Variants in SDHA observed in about 807,000 individuals in gnomAD.
The protein encoded by SDHA is succinate dehydrogenase complex flavoprotein subunit A.
SDHA carries 48 observed loss-of-function variants against 78.4 expected under a neutral mutation model. The ratio of observed to expected loss-of-function variants is 0.61; its 90% CI spans 0.49 to 0.78. The LOEUF is 0.78. Among genes scored for constraint, SDHA ranks in the 30% least tolerant of loss-of-function variants. SDHA has a pLI of 0.00. For missense variants in SDHA, 680 were observed against 892.7 expected (o/e 0.76, Z 3.04); for synonymous variants, 326 against 353.9 (o/e 0.92, Z 0.88).
At position 256,950 on chromosome 5, in the gene SDHA, G is replaced by T. The variant is rs1171930309; in HGVS notation, c.*530G>T. On this transcript the variant is annotated 3_prime_UTR_variant, in exon 15 of 15. Transcript: ENST00000264932. ...CTTCTGAGTAGTTGGGGCTACAGGT[G>T]TGCACCACCATGCCCAGCTCATTTA... Among the ~76,000 whole-genome samples, 1 of 151,380 alleles carries T rather than the reference G, an allele frequency of 6.6e-6. No individual in the cohort carries two copies. Among genetic ancestry groups the T allele is most frequent in the Non-Finnish European group, 1.5e-5 (1 of 67,926 alleles).
At chr5:247,470 C>T (rs1198885398) in intron 11 of SDHA, among the ~76,000 whole-genome samples, 5 of 152,214 alleles carry the variant, frequency 3.3e-5, no homozygotes, top group South Asian at 4.1e-4. Context: ...CAATTTAACC[C>T]GTGTTAATGC....
At chr5:219,298 C>T (rs1734580840) in intron 1 of SDHA, among the ~76,000 whole-genome samples, 2 of 152,186 alleles carry the variant, frequency 1.3e-5, no homozygotes, top group Admixed American at 6.5e-5. Context: ...AATGTGCCCT[C>T]TACGATTGCA....
intron 7 of SDHA, 122 bp from the exon 8 acceptor site, chr5:233,355 G>T: frequency 2.0e-6 from 2 of 1,007,926 alleles, no homozygotes; most frequent in Non-Finnish European, 3.1e-6. Context: ...GTGCAGTTTT[G>T]CACATAATGC....
At chr5:219,711 G>A (rs767675715) in intron 1 of SDHA, among the ~76,000 whole-genome samples, 6 of 152,230 alleles carry the variant, frequency 3.9e-5, no homozygotes, top group Non-Finnish European at 8.8e-5. Context: ...CCCATGGTCA[G>A]TGGGGCTTTT....
intron 13 of SDHA, among the ~76,000 whole-genome samples, chr5:252,147 A>T (rs1736872201): frequency 6.9e-6 from 1 of 145,324 alleles, no homozygotes; most frequent in African/African-American, 2.6e-5. Flanking sequence ...CACTGTTTCA[A>T]ACCTGTCCTG....
intron 8 of SDHA, chr5:234,444 A>G (rs1435937884): frequency 1.4e-5 from 2 of 145,496 alleles, no homozygotes; most frequent in African/African-American, 2.5e-5. Flanking sequence ...AAAAAAAAAA[A>G]CAGAGAAGTC....
the SDHA span, among the ~76,000 whole-genome samples, chr5:265,909 A>G: frequency 6.6e-6 from 1 of 151,650 alleles, no homozygotes; most frequent in African/African-American, 2.4e-5. Context: ...ACCCTACCCG[A>G]GACCTTCCGA....
chr5:227,158 A>C (rs1735081139), intron 5 of SDHA, among the ~76,000 whole-genome samples: 1 of 151,814 alleles, frequency 6.6e-6, no homozygotes, highest in Non-Finnish European at 1.5e-5. Flanking sequence ...CTACAGGCGC[A>C]CGCCACCATG....
chr5:236,296 T>C, intron 9 of SDHA, 132 bp from the exon 10 acceptor site: 1 of 878,760 alleles, frequency 1.1e-6, no homozygotes, highest in Non-Finnish European at 1.9e-6. Flanking sequence ...AGTGCTGAGA[T>C]TACAGGCGTG....
intron 1 of SDHA, 143 bp downstream of exon 1, chr5:218,561 C>A (rs1159219848): frequency 1.3e-5 from 8 of 636,844 alleles, no homozygotes; most frequent in Non-Finnish European, 1.8e-5. Context: ...CTGAGAGAGC[C>A]CTGGGCCGGT....
At chr5:225,273 T>G (rs1734940249) in intron 3 of SDHA, 146 bp from the exon 4 acceptor site, 3 of 983,460 alleles carry the variant, frequency 3.1e-6, no homozygotes, top group Non-Finnish European at 1.6e-6. Context: ...CGGGTCTCGC[T>G]GCTCCTCTGC....
chr5:251,983 C>G, intron 13 of SDHA: 1 of 345,932 alleles, frequency 2.9e-6, no homozygotes. Flanking sequence ...CGTTTCAAGC[C>G]TGCCCTGTGG....
chr5:263,078 T>G, the SDHA span, among the ~76,000 whole-genome samples: 1 of 152,082 alleles, frequency 6.6e-6, no homozygotes, highest in Non-Finnish European at 1.5e-5. Flanking sequence ...GAGCTGAGAC[T>G]ACAGGTGTGA....
intron 1 of SDHA, among the ~76,000 whole-genome samples, chr5:222,703 G>A (rs1734789381): frequency 6.6e-6 from 1 of 152,156 alleles, no homozygotes; most frequent in Admixed American, 6.5e-5. Context: ...GTAGCCAGCA[G>A]AATGGAAAAC....
chr5:228,316 C>G lies in SDHA; in HGVS notation c.753C>G (p.Asn251Lys), dbSNP rs1126411. The change falls in exon 6 of 15, where the codon AAC becomes AAG. Residue 251 changes from asparagine to lysine, a missense_variant. By Grantham distance (94) the Asn-to-Lys change is moderately conservative (BLOSUM62 0). Transcript: ENST00000264932. ...DGSIHRIRAK[N>K]TVVATGGYGR... ...CCATCCATCGCATAAGAGCAAAGAA[C>G]ACTGTTGTTGCCACAGGGTAGGAAT... 1 of 1,613,836 alleles carries G rather than the reference C, an allele frequency of 6.2e-7. No individual in the cohort carries two copies. The highest frequency in any genetic ancestry group is 8.5e-7 in the Non-Finnish European group (1 of 1,179,846).
chr5:227,902 G>A (rs62347679), intron 5 of SDHA: 71,890 of 424,354 alleles, frequency 0.17, 10,081 homozygotes, highest in African/African-American at 0.53. Flanking sequence ...TGCGGCCACC[G>A]GACAGTGTGG....
chr5:225,812 G>A (rs1389076653), intron 4 of SDHA, 71 bp from the exon 5 acceptor site: 11 of 1,577,914 alleles, frequency 7.0e-6, no homozygotes, highest in Non-Finnish European at 9.6e-6. Flanking sequence ...AACTTGTTTA[G>A]TGTAGATTAG....
chr5:262,143 T>A, the SDHA span, among the ~76,000 whole-genome samples: 1 of 101,520 alleles, frequency 9.9e-6, no homozygotes, highest in Non-Finnish European at 1.9e-5. Flanking sequence ...CATTACCGTG[T>A]GAGCTCCGCC....
At chr5:242,543 G>A (rs1182556642) in intron 11 of SDHA, among the ~76,000 whole-genome samples, 2 of 152,182 alleles carry the variant, frequency 1.3e-5, no homozygotes, top group African/African-American at 2.4e-5. Context: ...CAACTCTGAA[G>A]GCTGTGAGAC....
Sources: allele counts gnomAD v4.1 joint callset (sites outside exome capture counted in the v4.1 genomes callset), GRCh38; gene constraint gnomAD v4.1.1; transcripts MANE v1.5; gene names NCBI Gene and HGNC (gene_info 2026-07-23, HGNC 2026-07-21).